Variants in SCEL observed in about 807,000 individuals in gnomAD.
SCEL encodes the protein sciellin.
A neutral mutation model predicts 117.6 loss-of-function variants in SCEL; 113 were observed. That is an observed-to-expected ratio of 0.96 (90% confidence interval 0.83 to 1.12). SCEL has a LOEUF of 1.12. SCEL is among the 50% of genes most tolerant of loss of function. The probability of loss-of-function intolerance (pLI) is 0.00; values close to 1 mark genes in which losing one functional copy is unlikely to be tolerated. For missense variants in SCEL, 785 were observed against 810.8 expected, an observed-to-expected ratio of 0.97 and a Z score of 0.39; for synonymous variants, 270 against 256.2, an observed-to-expected ratio of 1.05 and a Z score of -0.51.
intron 12 of SCEL, among the ~76,000 whole-genome samples, chr13:77,596,040 A>G (rs1173878723): frequency 6.6e-6 from 1 of 152,196 alleles, no homozygotes; most frequent in Non-Finnish European, 1.5e-5. Context: ...AAGTATAGCA[A>G]GCATTTACTA....
intron 30 of SCEL, among the ~76,000 whole-genome samples, chr13:77,637,831 G>T (rs1002157733): frequency 1.3e-5 from 2 of 152,206 alleles, no homozygotes; most frequent in African/African-American, 4.8e-5. Context: ...GTGGAGTCAT[G>T]ATGAGTATTG....
chr13:77,582,358 C>G (rs2086309275), intron 9 of SCEL, among the ~76,000 whole-genome samples: 1 of 152,102 alleles, frequency 6.6e-6, no homozygotes, highest in Non-Finnish European at 1.5e-5. Flanking sequence ...TCCTGAGTAG[C>G]TGGGACTACA....
chr13:77,544,918 TA>T (rs2083909849), intron 1 of SCEL, among the ~76,000 whole-genome samples: 1 of 152,172 alleles, frequency 6.6e-6, no homozygotes, highest in Non-Finnish European at 1.5e-5. Flanking sequence ...AGATAAAAAC[TA>T]GCTCTTTCTG....
At chr13:77,549,770 C>A (rs1162826498) in intron 1 of SCEL, among the ~76,000 whole-genome samples, 1 of 152,064 alleles carries the variant, frequency 6.6e-6, no homozygotes, top group Non-Finnish European at 1.5e-5. Context: ...ATTTTCAGGC[C>A]ACAATTATGA....
intron 12 of SCEL, among the ~76,000 whole-genome samples, chr13:77,594,563 C>A (rs2087109339): frequency 6.6e-6 from 1 of 152,126 alleles, no homozygotes; most frequent in South Asian, 2.1e-4. Flanking sequence ...CTTAGAGTTG[C>A]ACTATTCATA....
At chr13:77,592,378 C>T (rs553181752) in intron 11 of SCEL, among the ~76,000 whole-genome samples, 1 of 152,240 alleles carries the variant, frequency 6.6e-6, no homozygotes, top group South Asian at 2.1e-4. Context: ...ATTTAGGAAA[C>T]ACAGTTTAAT....
intron 24 of SCEL, among the ~76,000 whole-genome samples, chr13:77,614,164 C>G (rs534758674): frequency 6.6e-6 from 1 of 152,168 alleles, no homozygotes; most frequent in South Asian, 2.1e-4. Context: ...CTCTAAGCCT[C>G]CAGTAAAGGA....
At chr13:77,536,028 A>G (rs1229673829) in intron 1 of SCEL, among the ~76,000 whole-genome samples, 1 of 151,062 alleles carries the variant, frequency 6.6e-6, no homozygotes, top group Non-Finnish European at 1.5e-5. Flanking sequence ...CTTCTTGGCA[A>G]TTTTACACGT....
chr13:77,540,101 G>A (rs2083622640), intron 1 of SCEL, among the ~76,000 whole-genome samples: 1 of 152,176 alleles, frequency 6.6e-6, no homozygotes, highest in Non-Finnish European at 1.5e-5. Flanking sequence ...ATATCAACGA[G>A]AAAGGGATTT....
At chr13:77,602,234 G>A in intron 16 of SCEL, 110 bp downstream of exon 16, 2 of 828,488 alleles carry the variant, frequency 2.4e-6, no homozygotes. Context: ...CTCTTGTACT[G>A]CTTTGACCCA....
At chr13:77,563,726 C>T in intron 4 of SCEL, 105 bp from the exon 5 acceptor site, 1 of 744,072 alleles carries the variant, frequency 1.3e-6, no homozygotes. Context: ...TGTATATTTC[C>T]TACTGAAATA....
chr13:77,560,959 A>T (rs1475644359), intron 4 of SCEL, among the ~76,000 whole-genome samples: 1 of 148,964 alleles, frequency 6.7e-6, no homozygotes, highest in Non-Finnish European at 1.5e-5. Context: ...CTTTTTCATA[A>T]TTGTGACCTG....
At chr13:77,576,920 A>G (rs2085975405) in intron 9 of SCEL, among the ~76,000 whole-genome samples, 1 of 152,080 alleles carries the variant, frequency 6.6e-6, no homozygotes, top group Admixed American at 6.6e-5. Flanking sequence ...GAGTTCATTC[A>G]TGACTGGCTT....
chr13:77,578,794 G>C (rs965358138), intron 9 of SCEL, among the ~76,000 whole-genome samples: 5 of 152,256 alleles, frequency 3.3e-5, no homozygotes, highest in African/African-American at 1.2e-4. Context: ...GGTAGAGTCT[G>C]GGACACCGGC....
intron 22 of SCEL, among the ~76,000 whole-genome samples, chr13:77,612,129 C>G (rs1392569068): frequency 6.6e-6 from 1 of 152,062 alleles, no homozygotes; most frequent in African/African-American, 2.4e-5. Context: ...AAAAGTCTTT[C>G]CAATTATTTT....
In SCEL at chr13:77,602,733, C is replaced by A; in HGVS notation, c.1037+20C>A. The A allele has an allele frequency of 6.3e-7, 1 of 1,599,242 alleles. No homozygotes were observed. The highest frequency in any genetic ancestry group is 8.6e-7 in the Non-Finnish European group (1 of 1,167,660). ...CAGAAGGTGAGAACTGAACAGATGTCTCTAAATATTGGTTATTTTCTCTCA... is the reference window on the plus strand; with the variant it reads ...CAGAAGGTGAGAACTGAACAGATGTATCTAAATATTGGTTATTTTCTCTCA... On this transcript the variant is annotated intron_variant, in intron 17 of 32. Transcript: ENST00000349847.
intron 28 of SCEL, among the ~76,000 whole-genome samples, chr13:77,629,727 A>G (rs2089942268): frequency 6.6e-6 from 1 of 152,194 alleles, no homozygotes; most frequent in African/African-American, 2.4e-5. Flanking sequence ...AGACCCAAAG[A>G]TACAGGGGAA....
intron 9 of SCEL, among the ~76,000 whole-genome samples, chr13:77,585,710 A>G (rs888481075): frequency 2.5e-4 from 38 of 152,042 alleles, no homozygotes; most frequent in African/African-American, 7.7e-4. Flanking sequence ...TATCACCTGG[A>G]CCATCTCCAC....
intron 9 of SCEL, among the ~76,000 whole-genome samples, chr13:77,573,074 T>C (rs1007641757): frequency 3.9e-5 from 6 of 152,246 alleles, no homozygotes; most frequent in East Asian, 3.8e-4. Context: ...GTAATAGTTA[T>C]AACTAAATGA....
Sources: gnomAD v4.1 joint callset for allele counts (sites outside exome capture counted in the v4.1 genomes callset) on GRCh38, gnomAD v4.1.1 for gene constraint, MANE v1.5 for transcripts, NCBI Gene and HGNC (gene_info 2026-07-23, HGNC 2026-07-21) for gene names.